The following MANBAL variants were observed in gnomAD, a reference collection of about 807,000 sequenced individuals.
MANBAL encodes the protein protein MANBAL.
In MANBAL, 1 loss-of-function variant was observed where a neutral mutation model predicts 6.4. The observed-to-expected ratio is 0.16, with a 90% CI of 0.06 to 0.74. The LOEUF is 0.74. Among genes scored for constraint, MANBAL ranks in the 30% least tolerant of loss-of-function variants. MANBAL has a pLI of 0.78. For synonymous variants in MANBAL, 47 were observed against 45.8 expected (o/e 1.03, Z -0.10); for missense variants, 100 against 107.8 (o/e 0.93, Z 0.32).
intron 1 of MANBAL, among the ~76,000 whole-genome samples, chr20:37,296,031 C>G (rs2068988038): frequency 6.6e-6 from 1 of 152,112 alleles, no homozygotes; most frequent in Non-Finnish European, 1.5e-5. Context: ...GTTTCCAGAA[C>G]CTTTTCACAA....
intron 1 of MANBAL, among the ~76,000 whole-genome samples, chr20:37,300,054 C>T (rs1253315240): frequency 6.6e-6 from 1 of 152,216 alleles, no homozygotes; most frequent in South Asian, 2.1e-4. Context: ...CCTCCTGGCT[C>T]TCCCTGTGTC....
At chr20:37,312,288 A>G (rs2069407978) in intron 2 of MANBAL, among the ~76,000 whole-genome samples, 1 of 152,180 alleles carries the variant, frequency 6.6e-6, no homozygotes, top group African/African-American at 2.4e-5. Context: ...TGACCCATTG[A>G]CAGATAGGTT....
rs561170285 is a variant in MANBAL, at chr20:37,298,648, T to G, written c.-56-2560T>G. On this transcript the variant is annotated intron_variant, in intron 1 of 2. Coordinates refer to ENST00000373606, the MANE Select transcript of MANBAL (RefSeq NM_001003897.2). ...ATACTACGTTTTGCTTATCCATTCA[T>G]CTGTTTATGGACTCTTAGTTGTTTC... 3.8e-4 allele frequency: 58 copies of G among 152,360 alleles called. 1 individual carries two copies. The highest frequency in any genetic ancestry group is 1.4e-3 in the African/African-American group (57 of 41,584). The allele number at this position is 152,360 out of a possible 1,614,324, so 9.4% of individuals were successfully genotyped here. A position where few individuals can be genotyped will look rare whatever the true frequency, so the allele number is the denominator to read the frequency against.
At position 37,301,287 on chromosome 20, in the gene MANBAL, A is replaced by G. The variant is rs766141416; in HGVS notation, c.24A>G (p.Ser8=). The G allele has an allele frequency of 1.9e-6, 3 of 1,608,032 alleles. No individual in the cohort carries two copies. Among genetic ancestry groups the G allele is most frequent in the Non-Finnish European group, 2.6e-6 (3 of 1,176,192 alleles). The change falls in exon 2 of 3, where the codon TCA becomes TCG. Residue 8 remains serine, a synonymous_variant. Transcript: ENST00000373606. ...CCATGGCCTCTGACCTAGACTTCTC[A>G]CCTCCGGAGGTGCCCGAGCCCACTT... MASDLDF[S]PPEVPEPTFL...
chr20:37,290,233 G>A (rs557896988), intron 1 of MANBAL, among the ~76,000 whole-genome samples: 1 of 152,312 alleles, frequency 6.6e-6, no homozygotes, highest in Non-Finnish European at 1.5e-5. Context: ...TTTTTAAAAT[G>A]GTGACAACAC....
chr20:37,310,333 C>G (rs557230065), intron 2 of MANBAL, among the ~76,000 whole-genome samples: 1 of 152,228 alleles, frequency 6.6e-6, no homozygotes, highest in Admixed American at 6.5e-5. Context: ...CCTCATGGCC[C>G]GCTGGGATGG....
At chr20:37,301,722 C>T (rs1042988529) in intron 2 of MANBAL, among the ~76,000 whole-genome samples, 16 of 152,184 alleles carry the variant, frequency 1.1e-4, no homozygotes, top group African/African-American at 3.9e-4. Flanking sequence ...TCCATGTGCT[C>T]CCATGAGAAG....
chr20:37,301,236 A>T lies in MANBAL; in HGVS notation c.-28A>T. 1 of 1,558,672 alleles carries T rather than the reference A, an allele frequency of 6.4e-7. No individual in the cohort carries two copies. The highest frequency in any genetic ancestry group is 8.7e-7 in the Non-Finnish European group (1 of 1,148,092). ...GTTCTAAAGAGTGGTGAGTCAGAAG[A>T]GACGTCAGGCAGCAAGCGACTTGGG... On this transcript the variant is annotated 5_prime_UTR_variant, in exon 2 of 3. Transcript: ENST00000373606.
At chr20:37,315,641 G>T (rs975907814) in intron 2 of MANBAL, among the ~76,000 whole-genome samples, 1 of 152,352 alleles carries the variant, frequency 6.6e-6, no homozygotes, top group African/African-American at 2.4e-5. Context: ...GTCGCCCAGG[G>T]AGTCTGGAAT....
intron 2 of MANBAL, among the ~76,000 whole-genome samples, chr20:37,305,035 G>T (rs1379073176): frequency 6.6e-6 from 1 of 152,162 alleles, no homozygotes; most frequent in Non-Finnish European, 1.5e-5. Flanking sequence ...GCAAGGGTGG[G>T]AAAACCTTGG....
At chr20:37,311,463 GT>G (rs1385591120) in intron 2 of MANBAL, among the ~76,000 whole-genome samples, 4 of 152,160 alleles carry the variant, frequency 2.6e-5, no homozygotes, top group Non-Finnish European at 5.9e-5. Flanking sequence ...TGTTGTCATT[GT>G]TTTTTTTATT....
At chr20:37,314,319 AGTCCTGATT>A (rs1337058215) in intron 2 of MANBAL, among the ~76,000 whole-genome samples, 9 of 152,110 alleles carry the variant, frequency 5.9e-5, no homozygotes, top group African/African-American at 2.2e-4. Context: ...TGGAGATGCC[AGTCCTGATT>A]GTCTGGCAGA....
rs11905773 is a variant in MANBAL at position 37,291,007 on chromosome 20, T to G, written c.-57+1321T>G. 5.8e-3 allele frequency among the ~76,000 whole-genome samples: 886 copies of G among 152,356 alleles called. 10 individuals carry two copies. The highest frequency in any genetic ancestry group is 0.02 in the African/African-American group (835 of 41,584). ...AAGTTACTTCATTAGAAGCCAAGAA[T>G]GGCCTACCAGCACAGTACACAACAT... On this transcript the variant is annotated intron_variant, in intron 1 of 2. Transcript: ENST00000373606.
chr20:37,304,380 T>C (rs926322233), intron 2 of MANBAL, among the ~76,000 whole-genome samples: 4 of 152,216 alleles, frequency 2.6e-5, no homozygotes, highest in African/African-American at 9.7e-5. Flanking sequence ...TACAGAAGTT[T>C]CCTTTAATCT....
chr20:37,316,669 A>AG lies in MANBAL; in HGVS notation c.*256dup, dbSNP rs1208609826. On this transcript the variant is annotated 3_prime_UTR_variant, in exon 3 of 3. Transcript: ENST00000373606. ...ACACACTGTGAGCATAGACTGTATT[A>AG]GGTTTGTTCAGAAGCCGGGTCAGCT... is the stretch of plus-strand genomic sequence containing the variant. 2.2e-5 allele frequency: 7 copies of AG among 312,538 alleles called. No individual in the cohort carries two copies. The East Asian group carries it at 4.4e-4, about 20-fold the overall frequency. 19.4% of individuals were successfully genotyped at this position (312,538 alleles called of 1,614,324 possible). A position where few individuals can be genotyped will look rare whatever the true frequency, so the allele number is the denominator to read the frequency against.
intron 2 of MANBAL, among the ~76,000 whole-genome samples, chr20:37,306,615 A>G (rs1476286033): frequency 6.6e-6 from 1 of 152,194 alleles, no homozygotes; most frequent in African/African-American, 2.4e-5. Context: ...TAATCCAAGC[A>G]TTTTCTTGTA....
At chr20:37,300,920 A>G (rs2069118533) in intron 1 of MANBAL, among the ~76,000 whole-genome samples, 2 of 152,118 alleles carry the variant, frequency 1.3e-5, no homozygotes, top group South Asian at 4.1e-4. Flanking sequence ...AGGCGGGCAG[A>G]TCACCTGAGG....
intron 1 of MANBAL, chr20:37,296,997 G>A (rs751326123): frequency 1.3e-5 from 2 of 152,156 alleles, no homozygotes; most frequent in Non-Finnish European, 2.9e-5. Flanking sequence ...GTAAATCTGA[G>A]TATTTATAAG....
At chr20:37,303,699 G>A (rs1174059286) in intron 2 of MANBAL, among the ~76,000 whole-genome samples, 1 of 152,218 alleles carries the variant, frequency 6.6e-6, no homozygotes, top group Non-Finnish European at 1.5e-5. Context: ...ACAGGCGCAG[G>A]CGTCTGAGTG....
Sources: allele counts gnomAD v4.1 joint callset (sites outside exome capture counted in the v4.1 genomes callset), GRCh38; gene constraint gnomAD v4.1.1; transcripts MANE v1.5; gene names NCBI Gene and HGNC (gene_info 2026-07-23, HGNC 2026-07-21).